The following MYH1 variants were observed in gnomAD, a reference collection of about 807,000 sequenced individuals.
MYH1 encodes myosin-1.
MYH1 carries 214 observed loss-of-function variants against 225.6 expected under a neutral mutation model. The ratio of observed to expected loss-of-function variants is 0.95; its 90% confidence interval spans 0.85 to 1.06. The LOEUF (loss-of-function observed/expected upper bound fraction) is 1.06. MYH1 is among the 50% of genes least tolerant of loss of function. The pLI is 0.00. For synonymous variants in MYH1, 774 were observed against 842.3 expected (o/e 0.92, Z 1.40); for missense variants, 2,098 against 2,344.2 (o/e 0.89, Z 2.17).
Position 10,512,485 on chromosome 17 carries a change from CCTG to C in MYH1, c.1067_1069del (p.Thr356_Gly357delinsArg), listed in dbSNP as rs761048938. The C allele has an allele frequency of 3.1e-6, 5 of 1,613,878 alleles. No homozygotes were observed. The African/African-American group carries it at 6.7e-5, about 22-fold the overall frequency. On this transcript the variant is annotated inframe_deletion, in exon 12 of 40. Coordinates refer to ENST00000226207, the MANE Select transcript of MYH1 (RefSeq NM_005963.4). ...CATGTTCCCATAATGCATCACAGCCCCTGTGAGCTTATAGATGGACACTCTTTC... is the reference window on the plus strand; with the variant it reads ...CATGTTCCCATAATGCATCACAGCCCTGAGCTTATAGATGGACACTCTTTC...
Position 10,512,788 on chromosome 17 carries a change from G to C in MYH1, c.905-4C>G. 1 of 1,613,494 alleles carries C rather than the reference G, an allele frequency of 6.2e-7. No individual in the cohort carries two copies. The highest frequency in any genetic ancestry group is 1.1e-5 in the South Asian group (1 of 91,060). The stretch of plus-strand genomic sequence containing the variant: ...TTGGTGGTGATCAGGAGCATTTCTG[G>C]GTCACAGAATTCAGGGCATATGTTT... On this transcript the variant is annotated splice_polypyrimidine_tract_variant and splice_region_variant and intron_variant, in intron 10 of 39. Coordinates refer to ENST00000226207, the MANE Select transcript of MYH1 (RefSeq NM_005963.4).
In MYH1 at chr17:10,501,558, A is replaced by T. The variant is rs762108495; in HGVS notation, c.3348+36T>A. On this transcript the variant is annotated intron_variant, in intron 26 of 39. Coordinates refer to ENST00000226207, the MANE Select transcript of MYH1 (RefSeq NM_005963.4). ...ACTTCTTGGTGTCAGTAACTTTTCG[A>T]TGTTAAATTAGCCTGGCGAAAATCA... The T allele has an allele frequency of 9.3e-6, 15 of 1,614,210 alleles. No homozygotes were observed. The East Asian group carries it at 3.3e-4, about 36-fold the overall frequency.
intron 28 of MYH1, among the ~76,000 whole-genome samples, chr17:10,499,749 C>T (rs1373315262): frequency 6.6e-6 from 1 of 152,110 alleles, no homozygotes; most frequent in Admixed American, 6.6e-5. Flanking sequence ...TTATCTTGAA[C>T]TTTATCTCTG....
At chr17:10,500,543 A>G (rs1320025267) in intron 28 of MYH1, 83 bp downstream of exon 28, 2 of 1,592,088 alleles carry the variant, frequency 1.3e-6, no homozygotes, top group Non-Finnish European at 1.7e-6. Context: ...TATGACCTCA[A>G]GTAAATAAAT....
Position 10,497,866 on chromosome 17 carries a change from C to A in MYH1, c.4233G>T (p.Val1411=). 6.2e-7 allele frequency: 1 copy of A among 1,613,430 alleles called. No homozygotes were observed. Among genetic ancestry groups the A allele is most frequent in the African/African-American group, 1.3e-5 (1 of 74,968 alleles). ...TCTCAAGGGAAGCACATTTGGCATT[C>A]ACAGCTTCTACATGTTCCTCAGCAT... The part of the protein sequence containing the change: ...LQDAEEHVEA[V]NAKCASLEKT... Residue 1411 remains valine, a synonymous_variant, in exon 31 of 40, where the codon GTG becomes GTT. Transcript: ENST00000226207.
chr17:10,517,696 G>A (rs1037623337), intron 2 of MYH1, among the ~76,000 whole-genome samples: 1 of 152,064 alleles, frequency 6.6e-6, no homozygotes, highest in Non-Finnish European at 1.5e-5. Context: ...CGTATTGTGT[G>A]TGTGTATATA....
chr17:10,498,680 C>T lies in MYH1; in HGVS notation c.4127G>A (p.Arg1376Lys), dbSNP rs1344212562. The T allele has an allele frequency of 6.2e-7, 1 of 1,613,902 alleles. No homozygotes were observed. Among genetic ancestry groups the T allele is most frequent in the Non-Finnish European group, 8.5e-7 (1 of 1,179,896 alleles). Residue 1376 changes from arginine to lysine, a missense_variant, in exon 30 of 40, where the codon AGG becomes AAG. By Grantham distance (26) the Arg-to-Lys change is conservative. Transcript: ENST00000226207. ...GATGGCATCTGTCTCATATTTGGTC[C>T]TCCACTGGGCAACCTCACTGTTGGC... The part of the protein sequence containing the change: ...SKANSEVAQW[R>K]TKYETDAIQR...
chr17:10,512,990 T>C (rs1567722608), intron 9 of MYH1, 25 bp from the exon 10 acceptor site: 1 of 1,518,520 alleles, frequency 6.6e-7, no homozygotes, highest in Non-Finnish European at 9.1e-7. Flanking sequence ...AGACATCAGA[T>C]TATGGGGAAA....
rs1488726161 is a variant in MYH1 at position 10,501,686 on chromosome 17, T to A, written c.3258-2A>T. On this transcript the variant is annotated splice_acceptor_variant, in intron 25 of 39. Transcript: ENST00000226207. LOFTEE classifies it high-confidence loss of function. Reference sequence around the variant, plus strand: ...AGACCGCTCATTTCAAACTCTTTCCTATTAGAAAAGCCCTTTATGTCAGTC... The same window carrying A: ...AGACCGCTCATTTCAAACTCTTTCCAATTAGAAAAGCCCTTTATGTCAGTC... The A allele has an allele frequency of 6.2e-7, 1 of 1,614,246 alleles. No individual in the cohort carries two copies. The highest frequency in any genetic ancestry group is 1.7e-5 in the Admixed American group (1 of 60,024).
chr17:10,512,704 G>A lies in MYH1; in HGVS notation c.985C>T (p.Gln329Ter). The change falls in exon 11 of 40, where the codon CAA becomes TAA. Residue 329 changes from glutamine (Q) to a stop codon, truncating the protein, a stop_gained. Coordinates refer to ENST00000226207, the MANE Select transcript of MYH1 (RefSeq NM_005963.4). LOFTEE classifies it high-confidence loss of function. ...ACATCTGTAGCCATCAACTCTTCTT[G>A]GTCATCAATGCTGGGCACTGTGATC... is the stretch of plus-strand genomic sequence containing the variant. ...GEITVPSIDD[Q>*]EELMATDSAI... 6.2e-7 allele frequency: 1 copy of A among 1,613,730 alleles called. No individual in the cohort carries two copies. Among genetic ancestry groups the A allele is most frequent in the South Asian group, 1.1e-5 (1 of 91,074 alleles).
chr17:10,493,746 A>G (rs919473559), intron 39 of MYH1, among the ~76,000 whole-genome samples: 3 of 152,196 alleles, frequency 2.0e-5, no homozygotes, highest in Admixed American at 6.5e-5. Flanking sequence ...AACTTGATAA[A>G]TTACTCTTAA....
At position 10,512,074 on chromosome 17, in the gene MYH1, C is replaced by T; in HGVS notation, c.1266G>A (p.Gln422=). The T allele has an allele frequency of 6.2e-7, 1 of 1,614,114 alleles. No homozygotes were observed. The highest frequency in any genetic ancestry group is 8.5e-7 in the Non-Finnish European group (1 of 1,179,970). Residue 422 remains glutamine (Q), a splice_region_variant and synonymous_variant, in exon 13 of 40, where the codon CAG becomes CAA. Coordinates refer to ENST00000226207, the MANE Select transcript of MYH1 (RefSeq NM_005963.4). The part of the protein sequence containing the change: ...EYVTKGQTVQ[Q]VYNAVGALAK... ...TGATTCATTGAGGTCATGCACTTACCTGCTGCACAGTTTGACCTTTGGTGA... is the reference window on the plus strand; with the variant it reads ...TGATTCATTGAGGTCATGCACTTACTTGCTGCACAGTTTGACCTTTGGTGA...
chr17:10,497,348 A>G lies in MYH1; in HGVS notation c.4470T>C (p.Asn1490=). The G allele has an allele frequency of 6.2e-7, 1 of 1,613,304 alleles. No homozygotes were observed. Among genetic ancestry groups the G allele is most frequent in the South Asian group, 1.1e-5 (1 of 90,654 alleles). Residue 1490 remains asparagine (N), a synonymous_variant, in exon 32 of 40, where the codon AAT becomes AAC. Coordinates refer to ENST00000226207, the MANE Select transcript of MYH1 (RefSeq NM_005963.4). ...GTTGGTCTAAAGATTCCTCATAAGC[A>G]TTCTTAATCTTAAATAGTTCTGTGC... The part of the protein sequence containing the change: ...SLSTELFKIK[N]AYEESLDQLE...
In MYH1 at chr17:10,495,314, T is replaced by C; in HGVS notation, c.5173A>G (p.Thr1725Ala). The C allele has an allele frequency of 1.2e-6, 2 of 1,614,172 alleles. No homozygotes were observed. Among genetic ancestry groups the C allele is most frequent in the South Asian group, 1.1e-5 (1 of 91,080 alleles). Residue 1725 changes from threonine to alanine, a missense_variant, in exon 36 of 40, where the codon ACC (threonine) becomes GCC (alanine). Coordinates refer to ENST00000226207, the MANE Select transcript of MYH1 (RefSeq NM_005963.4). ...TTCTTCTTGGTGTTGATCAGGCTGGTGTTCTGTTTAAAATGTGAAATTTAG... is the reference window on the plus strand; with the variant it reads ...TTCTTCTTGGTGTTGATCAGGCTGGCGTTCTGTTTAAAATGTGAAATTTAG... ...ERVQLLHTQNTSLINTKKKLE... is the reference protein window; with the variant it reads ...ERVQLLHTQNASLINTKKKLE...
At chr17:10,514,451 A>G (rs975814460) in intron 6 of MYH1, among the ~76,000 whole-genome samples, 1 of 152,202 alleles carries the variant, frequency 6.6e-6, no homozygotes, top group African/African-American at 2.4e-5. Flanking sequence ...TGAAACGTGC[A>G]TGTGTTTTTC....
chr17:10,496,582 T>C, intron 33 of MYH1, 33 bp from the exon 34 acceptor site: 1 of 1,613,596 alleles, frequency 6.2e-7, no homozygotes. Context: ...ATTAGTAGAG[T>C]AATGGAAGTG....
At chr17:10,516,795 G>T (rs1391677102) in intron 2 of MYH1, 113 bp from the exon 3 acceptor site, 5 of 851,700 alleles carry the variant, frequency 5.9e-6, no homozygotes, top group Non-Finnish European at 8.9e-6. Context: ...ATTGCATTGG[G>T]TATGACCACC....
At position 10,494,455 on chromosome 17, in the gene MYH1, A is replaced by G. The variant is rs1336404045; in HGVS notation, c.5572-6T>C. The G allele has an allele frequency of 1.9e-6, 3 of 1,612,812 alleles. No homozygotes were observed. Among genetic ancestry groups the G allele is most frequent in the Non-Finnish European group, 2.5e-6 (3 of 1,179,712 alleles). The stretch of plus-strand genomic sequence containing the variant: ...TTCTTGCGGTCTTCCTCAGTCTGAA[A>G]TAATGTTTTCAAGAGTAAGTTTCTT... On this transcript the variant is annotated splice_polypyrimidine_tract_variant and splice_region_variant and intron_variant, in intron 38 of 39. Coordinates refer to ENST00000226207, the MANE Select transcript of MYH1 (RefSeq NM_005963.4).
At chr17:10,499,482 AC>A (rs1347231208) in intron 28 of MYH1, among the ~76,000 whole-genome samples, 2 of 152,224 alleles carry the variant, frequency 1.3e-5, no homozygotes, top group African/African-American at 4.8e-5. Flanking sequence ...AAGGATTTAT[AC>A]TGTGGAAAAT....
Sources: gnomAD v4.1 joint callset for allele counts (sites outside exome capture counted in the v4.1 genomes callset) on GRCh38, gnomAD v4.1.1 for gene constraint, MANE v1.5 for transcripts, NCBI Gene and HGNC (gene_info 2026-07-23, HGNC 2026-07-21) for gene names.